Variants in PTPRN2 observed in about 807,000 individuals in gnomAD.
The protein encoded by PTPRN2 is protein tyrosine phosphatase receptor type N2.
A neutral mutation model predicts 118.8 loss-of-function variants in PTPRN2; 74 were observed. That is an observed-to-expected ratio of 0.62 (90% CI 0.52 to 0.76). The LOEUF (loss-of-function observed/expected upper bound fraction) is 0.76, where lower values mean the gene tolerates loss of function less well. PTPRN2 is among the 30% of genes least tolerant of loss of function. The pLI, the probability that PTPRN2 is intolerant of heterozygous loss-of-function variation, is 0.00. For synonymous variants in PTPRN2, 641 were observed against 608.0 expected (o/e 1.05, Z -0.80); for missense variants, 1,481 against 1,394.4 (o/e 1.06, Z -0.99).
rs1585118644 is a variant in PTPRN2 at position 157,617,528 on chromosome 7, G to A, written c.2344+3834C>T. ...GCTGTTCACGCAGCTGCAGCGCAGA[G>A]CACGGGGGATGCTGGCTCACGATGC... On this transcript the variant is annotated intron_variant, in intron 15 of 22. Coordinates refer to ENST00000389418, the MANE Select transcript of PTPRN2 (RefSeq NM_002847.5). This position sits in a 1 kb window ranked among gnomAD's most constrained non-coding sequence, Gnocchi z 7.5. The A allele has an allele frequency of 6.6e-6, 1 of 152,200 alleles. No individual in the cohort carries two copies. The highest frequency in any genetic ancestry group is 6.5e-5 in the Admixed American group (1 of 15,270). 9.4% of individuals were successfully genotyped at this position (152,200 alleles called of 1,614,324 possible). A position where few individuals can be genotyped will look rare whatever the true frequency, so the allele number is the denominator to read the frequency against.
Position 157,945,188 on chromosome 7 carries a change from C to T in PTPRN2, c.1724-46451G>A, listed in dbSNP as rs531013727. ...CCCAGTGCTGGGTGTTCAGGGCTGA[C>T]TCCTCCCTCCCCAGGCACCTCCTGC... On this transcript the variant is annotated intron_variant, in intron 11 of 22. Coordinates refer to ENST00000389418, the MANE Select transcript of PTPRN2 (RefSeq NM_002847.5). 3.9e-5 allele frequency among the ~76,000 whole-genome samples: 6 copies of T among 152,268 alleles called. No individual in the cohort carries two copies. The South Asian group carries it at 1.0e-3, about 26-fold the overall frequency.
chr7:157,935,355 G>C (rs1308309536), intron 11 of PTPRN2, among the ~76,000 whole-genome samples: 8 of 152,056 alleles, frequency 5.3e-5, no homozygotes, highest in African/African-American at 9.7e-5. Flanking sequence ...CTTCAGATGC[G>C]ATCATTTCTG....
intron 11 of PTPRN2, among the ~76,000 whole-genome samples, chr7:158,008,082 G>T (rs12670208): frequency 5.1e-5 from 7 of 137,924 alleles, no homozygotes; most frequent in South Asian, 2.3e-4. Flanking sequence ...GCTGTGTGTG[G>T]GTGTGGGTGT....
intron 12 of PTPRN2, among the ~76,000 whole-genome samples, chr7:157,816,345 C>A (rs1381212501): frequency 6.6e-6 from 1 of 152,198 alleles, no homozygotes; most frequent in Admixed American, 6.5e-5. Context: ...GGGTTCCACC[C>A]TAAACTGGCT....
rs868752057 is a variant in PTPRN2 at position 158,057,608 on chromosome 7, G to A, written c.1723+23690C>T. ...GAGTGGGTGAGGCAGACGGCCAGCT[G>A]CCCTCCCCTCCTGAGCAAAGGGAAG... On this transcript the variant is annotated intron_variant, in intron 11 of 22. Transcript: ENST00000389418. Among the ~76,000 whole-genome samples, 3 of 152,262 alleles carry A rather than the reference G, an allele frequency of 2.0e-5. No individual in the cohort carries two copies. The South Asian group carries it at 6.2e-4, about 32-fold the overall frequency.
At chr7:158,380,947 G>A (rs1218182452) in intron 2 of PTPRN2, among the ~76,000 whole-genome samples, 2 of 152,256 alleles carry the variant, frequency 1.3e-5, no homozygotes, top group African/African-American at 2.4e-5. Context: ...CACAGCCTGA[G>A]CTCCACATTG....
intron 15 of PTPRN2, among the ~76,000 whole-genome samples, chr7:157,612,125 C>T (rs1352863883): frequency 6.6e-6 from 1 of 152,226 alleles, no homozygotes; most frequent in Non-Finnish European, 1.5e-5. Flanking sequence ...GCTTCCCATG[C>T]CCTGAGCAGC....
chr7:157,889,300 GC>G (rs1237650904), intron 12 of PTPRN2, among the ~76,000 whole-genome samples: 2 of 148,702 alleles, frequency 1.3e-5, no homozygotes, highest in Non-Finnish European at 3.0e-5. Flanking sequence ...CCTGGTTACC[GC>G]CCCCCTCTCA....
chr7:157,545,740 G>A (rs191797791), intron 22 of PTPRN2, among the ~76,000 whole-genome samples: 2 of 152,188 alleles, frequency 1.3e-5, no homozygotes, highest in Admixed American at 6.5e-5. Flanking sequence ...TTACCACAAC[G>A]ATGATGTTTT....
Position 158,034,455 on chromosome 7 carries a change from G to T in PTPRN2, c.1723+46843C>A, listed in dbSNP as rs190310601. 5.8e-3 allele frequency among the ~76,000 whole-genome samples: 884 copies of T among 152,336 alleles called. 8 individuals are homozygous for T. Among genetic ancestry groups the T allele is most frequent in the African/African-American group, 0.02 (847 of 41,574 alleles). The stretch of plus-strand genomic sequence containing the variant: ...GTGTGATAGTGAATAGGTCTCACAA[G>T]ATCTGGTGGTTTTATAAGGGGGAGT... On this transcript the variant is annotated intron_variant, in intron 11 of 22. Coordinates refer to ENST00000389418, the MANE Select transcript of PTPRN2 (RefSeq NM_002847.5).
chr7:158,197,007 C>T (rs542502611), intron 4 of PTPRN2, among the ~76,000 whole-genome samples: 3 of 152,266 alleles, frequency 2.0e-5, no homozygotes, highest in Admixed American at 1.3e-4. Context: ...CACCTGTATA[C>T]GTATATATGT....
intron 11 of PTPRN2, among the ~76,000 whole-genome samples, chr7:157,960,765 G>T (rs559168273): frequency 6.6e-5 from 10 of 152,222 alleles, no homozygotes; most frequent in African/African-American, 2.4e-4. Flanking sequence ...CCAGCACTCT[G>T]GGAGGCTGAG....
intron 3 of PTPRN2, among the ~76,000 whole-genome samples, chr7:158,253,363 G>A (rs993744889): frequency 2.6e-5 from 4 of 152,352 alleles, no homozygotes; most frequent in African/African-American, 7.2e-5. Flanking sequence ...ACACTTTCGC[G>A]TGTTTCTTTT....
At chr7:157,815,461 C>T (rs892127672) in intron 12 of PTPRN2, among the ~76,000 whole-genome samples, 3 of 152,186 alleles carry the variant, frequency 2.0e-5, no homozygotes, top group Non-Finnish European at 4.4e-5. Flanking sequence ...GCACCGCTGC[C>T]GAGGTGGGAA....
At chr7:158,164,244 G>A (rs28475667) in intron 6 of PTPRN2, among the ~76,000 whole-genome samples, 91,957 of 146,296 alleles carry the variant, frequency 0.63, 29,540 homozygotes, top group East Asian at 0.78. Flanking sequence ...TCGCAGAGCA[G>A]GAGCGCACGC....
intron 14 of PTPRN2, among the ~76,000 whole-genome samples, chr7:157,649,850 G>A (rs1249629464): frequency 5.3e-5 from 8 of 150,006 alleles, no homozygotes; most frequent in African/African-American, 1.5e-4. Context: ...CACTGAACTC[G>A]GTGGGTTGGA....
In PTPRN2 at chr7:158,345,017, G is replaced by A. The variant is rs78640528; in HGVS notation, c.164-28085C>T. On this transcript the variant is annotated intron_variant, in intron 2 of 22. Transcript: ENST00000389418. ...AGGCCATGGAGGGAAAGTATGGTGC[G>A]GACACCTGGGACCGCAGTGGGCGGG... is the stretch of plus-strand genomic sequence containing the variant. Among the ~76,000 whole-genome samples, 1,095 of 152,246 alleles carry A rather than the reference G, an allele frequency of 7.2e-3. 31 individuals are homozygous for A. The East Asian group carries it at 0.082, about 11-fold the overall frequency.
chr7:157,765,900 C>CATT (rs1802442328), intron 12 of PTPRN2, among the ~76,000 whole-genome samples: 1 of 148,932 alleles, frequency 6.7e-6, no homozygotes, highest in East Asian at 2.1e-4. Context: ...ATCCATCCAC[C>CATT]CACCCATCCA....
chr7:157,743,358 C>A (rs1056438619), intron 12 of PTPRN2, among the ~76,000 whole-genome samples: 7 of 152,228 alleles, frequency 4.6e-5, no homozygotes, highest in African/African-American at 1.2e-4. Context: ...GCCAGGAGTG[C>A]TGTCTGCTCA....
Sources: gnomAD v4.1 joint callset for allele counts (sites outside exome capture counted in the v4.1 genomes callset) on GRCh38, gnomAD v4.1.1 for gene constraint, Gnocchi (gnomAD v3.1) non-coding constraint, MANE v1.5 for transcripts, NCBI Gene and HGNC (gene_info 2026-07-23, HGNC 2026-07-21) for gene names.